Variants in IFI27L2 observed in about 807,000 individuals in gnomAD.
IFI27L2 encodes the protein interferon alpha inducible protein 27 like 2.
A neutral mutation model predicts 7.9 loss-of-function variants in IFI27L2; 8 were observed. The observed-to-expected ratio is 1.02, with a 90% confidence interval of 0.60 to 1.84. The LOEUF (loss-of-function observed/expected upper bound fraction) is 1.84. IFI27L2 is among the 40% of genes most tolerant of loss of function. IFI27L2 has a pLI of 0.00. For synonymous variants in IFI27L2, 56 were observed against 66.5 expected (o/e 0.84, Z 0.77); for missense variants, 190 against 165.8 (o/e 1.15, Z -0.80).
chr14:94,128,774 G>T, intron 2 of IFI27L2, 99 bp from the exon 3 acceptor site: 1 of 1,015,632 alleles, frequency 9.8e-7, no homozygotes, highest in Non-Finnish European at 1.4e-6. Context: ...TCCGGAGACT[G>T]TCAGCTTGAG....
In IFI27L2 at chr14:94,127,931, C is replaced by A. The variant is rs1595419090; in HGVS notation, c.261G>T (p.Gly87=). 2.5e-6 allele frequency: 4 copies of A among 1,613,896 alleles called. No homozygotes were observed. In the African/African-American group the frequency reaches 5.3e-5, roughly 22 times the overall value. The part of the protein sequence containing the change: ...ILLASVGSVL[G]ACLGNSPSSS... ...AAGAAGGTGAATTCCCCAAGCAGGC[C>A]CCCAACACTGACCCAACAGAGGCCA... The change falls in exon 4 of 4, where the codon GGG becomes GGT. Residue 87 remains glycine, a synonymous_variant. Coordinates refer to ENST00000238609, the MANE Select transcript of IFI27L2 (RefSeq NM_032036.3).
At chr14:94,129,080 G>A in intron 2 of IFI27L2, 182 bp downstream of exon 2, 1 of 603,522 alleles carries the variant, frequency 1.7e-6, no homozygotes, top group Non-Finnish European at 3.0e-6. Context: ...AAGAGAAGCT[G>A]GGTCAGGAAT....
rs1887625670 is a variant in IFI27L2 at position 94,128,511 on chromosome 14, T to TACCC, written c.198_199+2dup. Reference sequence around the variant, plus strand: ...CTCTGGTGGTCCTGTCTAGGACACTTACCCACGGACTGCAGAGTAGCCACC... The same window carrying TACCC: ...CTCTGGTGGTCCTGTCTAGGACACTTACCCACCCACGGACTGCAGAGTAGCCACC... On this transcript the variant is annotated splice_region_variant and intron_variant, in intron 3 of 3. Coordinates refer to ENST00000238609, the MANE Select transcript of IFI27L2 (RefSeq NM_032036.3). The TACCC allele has an allele frequency of 1.2e-6, 2 of 1,613,900 alleles. No homozygotes were observed. Among genetic ancestry groups the TACCC allele is most frequent in the Admixed American group, 3.3e-5 (2 of 60,002 alleles).
intron 1 of IFI27L2, 125 bp downstream of exon 1, chr14:94,129,433 G>T: frequency 9.3e-7 from 1 of 1,078,466 alleles, no homozygotes; most frequent in South Asian, 1.3e-5. Context: ...GAGGGAGAGG[G>T]AGTCAGTAGG....
Position 94,127,847 on chromosome 14 carries a change from T to A in IFI27L2, c.345A>T (p.Gln115His). ...TGAGTGGGGGTTTTGGAGGTTCACC[T>A]TGGGGTACATTTTCTCTTGCCTCAT... Reference protein sequence around the residue: ...KEDEARENVPQGEPPKPPLKS... With the variant: ...KEDEARENVPHGEPPKPPLKS... Residue 115 changes from glutamine (Q) to histidine (H), a missense_variant, in exon 4 of 4, where the codon CAA becomes CAT. Transcript: ENST00000238609. 1 of 1,614,164 alleles carries A rather than the reference T, an allele frequency of 6.2e-7. No individual in the cohort carries two copies. The highest frequency in any genetic ancestry group is 8.5e-7 in the Non-Finnish European group (1 of 1,179,992).
At position 94,128,593 on chromosome 14, in the gene IFI27L2, G is replaced by A. The variant is rs761318790; in HGVS notation, c.120C>T (p.Ala40=). The A allele has an allele frequency of 1.9e-6, 3 of 1,614,046 alleles. No homozygotes were observed. Among genetic ancestry groups the A allele is most frequent in the Admixed American group, 3.3e-5 (2 of 60,016 alleles). The change falls in exon 3 of 4, where the codon GCC becomes GCT. Residue 40 remains alanine (A), a synonymous_variant. Transcript: ENST00000238609. ...CAATGGCTGCTGCGGACATCATCTT[G>A]GCTGCTATGGAGGACGCGGCGATTC... The part of the protein sequence containing the change: ...GAGIAASSIA[A]KMMSAAAIAN...
intron 3 of IFI27L2, 78 bp downstream of exon 3, chr14:94,128,436 G>T: frequency 2.9e-6 from 4 of 1,359,078 alleles, no homozygotes; most frequent in Non-Finnish European, 4.2e-6. Context: ...GAACTTCAGG[G>T]TGAGAAGAGC....
At position 94,128,035 on chromosome 14, in the gene IFI27L2, C is replaced by A. The variant is rs768858756; in HGVS notation, c.200-43G>T. On this transcript the variant is annotated intron_variant, in intron 3 of 3. Transcript: ENST00000238609. ...AATGAGCACAGGGGTCGGGCAGTGG[C>A]CCAGAAATCCCACCCGGATCCCTCC... 1.3e-5 allele frequency: 18 copies of A among 1,359,884 alleles called. No homozygotes were observed. In the African/African-American group the frequency reaches 2.4e-4, roughly 18 times the overall value. The allele number at this position is 1,359,884 out of a possible 1,614,324, so 84.2% of individuals were successfully genotyped here. A position where few individuals can be genotyped will look rare whatever the true frequency, so the allele number is the denominator to read the frequency against.
At chr14:94,129,520 A>C (rs1887646544) in intron 1 of IFI27L2, 38 bp downstream of exon 1, 1 of 1,602,192 alleles carries the variant, frequency 6.2e-7, no homozygotes. Context: ...GCCTGCCCCC[A>C]GCCCAGCCCG....
chr14:94,129,138 G>A (rs1339505161), intron 2 of IFI27L2, 124 bp downstream of exon 2: 2 of 725,084 alleles, frequency 2.8e-6, no homozygotes, highest in Non-Finnish European at 4.8e-6. Context: ...GCTCACTCAG[G>A]CTACTCGGGC....
Position 94,128,557 on chromosome 14 carries a change from A to AC in IFI27L2, c.155dup (p.Gly53TrpfsTer49), listed in dbSNP as rs1887626556. 2 of 1,613,594 alleles carry AC rather than the reference A, an allele frequency of 1.2e-6. No individual in the cohort carries two copies. Among genetic ancestry groups the AC allele is most frequent in the African/African-American group, 1.3e-5 (1 of 74,742 alleles). ...CCACCAGGCTCCCCGCAGAAACACC[A>AC]CCCCCGTTGGCAATGGCTGCTGCGG... On this transcript the variant is annotated frameshift_variant, in exon 3 of 4. Coordinates refer to ENST00000238609, the MANE Select transcript of IFI27L2 (RefSeq NM_032036.3). LOFTEE classifies it low-confidence loss of function (END_TRUNC).
Position 94,128,680 on chromosome 14 carries a change from G to A in IFI27L2, c.38-5C>T. 1.2e-6 allele frequency: 2 copies of A among 1,608,598 alleles called. No individual in the cohort carries two copies. The highest frequency in any genetic ancestry group is 2.2e-5 in the East Asian group (1 of 44,616). On this transcript the variant is annotated splice_region_variant and splice_polypyrimidine_tract_variant and intron_variant, in intron 2 of 3. Coordinates refer to ENST00000238609, the MANE Select transcript of IFI27L2 (RefSeq NM_032036.3). ...GCACAGCCCCCACTGCCAGGGCTGT[G>A]GGGAGAGAGAAGCTGAGTGCAGAGG...
At chr14:94,129,115 T>G in intron 2 of IFI27L2, 147 bp downstream of exon 2, 1 of 654,660 alleles carries the variant, frequency 1.5e-6, no homozygotes, top group Non-Finnish European at 2.8e-6. Context: ...CCCTGGAGTA[T>G]TTTGATGCTG....
intron 1 of IFI27L2, 124 bp from the exon 2 acceptor site, chr14:94,129,415 G>GAGGA (rs1338963469): frequency 2.1e-6 from 2 of 957,590 alleles, no homozygotes; most frequent in African/African-American, 3.2e-5. Context: ...GAAGGGGAGG[G>GAGGA]AGGAAGGGAG....
intron 3 of IFI27L2, 51 bp downstream of exon 3, chr14:94,128,463 C>T: frequency 7.0e-6 from 11 of 1,579,030 alleles, no homozygotes; most frequent in Non-Finnish European, 9.6e-6. Context: ...CGGGCTCAGC[C>T]TCAGGGCTGG....
intron 2 of IFI27L2, chr14:94,128,945 T>TTGTGTGTGTGTGTGTG (rs60745025): frequency 1.7e-4 from 88 of 532,836 alleles, no homozygotes; most frequent in African/African-American, 1.4e-3. Context: ...GGTCTCAAAT[T>TTGTGTGTGTGTGTGTG]TGTGTGTGTG....
At chr14:94,129,364 GGGAGGGAGGGGGAGGGAAGCAAGGAGC>G in intron 1 of IFI27L2, 73 bp from the exon 2 acceptor site, 1 of 1,141,560 alleles carries the variant, frequency 8.8e-7, no homozygotes, top group Non-Finnish European at 1.3e-6. Flanking sequence ...AGGGCAGAAA[GGGAGGGAGGGGGAGGGAAGCAAGGAGC>G]GGAGGGAGGA....
chr14:94,129,307 C>CA lies in IFI27L2; in HGVS notation c.8-17dup, dbSNP rs745978684. The CA allele has an allele frequency of 6.2e-7, 1 of 1,601,566 alleles. No homozygotes were observed. The highest frequency in any genetic ancestry group is 1.1e-5 in the South Asian group (1 of 90,506). ...GCTGCCCGTTCTAGAGAGAGAGTGC[C>CA]AGGGGAAGGCAGAGGGAGATGGGAA... On this transcript the variant is annotated splice_polypyrimidine_tract_variant and intron_variant, in intron 1 of 3. Coordinates refer to ENST00000238609, the MANE Select transcript of IFI27L2 (RefSeq NM_032036.3).
chr14:94,129,182 C>A, intron 2 of IFI27L2, 80 bp downstream of exon 2: 1 of 1,149,474 alleles, frequency 8.7e-7, no homozygotes, highest in Non-Finnish European at 1.3e-6. Flanking sequence ...GCCAGCCCAG[C>A]GCCTCATCTC....
Sources: allele counts gnomAD v4.1 joint callset, GRCh38; gene constraint gnomAD v4.1.1; transcripts MANE v1.5; gene names NCBI Gene and HGNC (gene_info 2026-07-23, HGNC 2026-07-21).